The following DOCK10 variants were observed in gnomAD, a reference collection of about 807,000 sequenced individuals.
DOCK10 encodes dedicator of cytokinesis 10.
In DOCK10, 145 loss-of-function variants were observed where a neutral mutation model predicts 280.1. The ratio of observed to expected loss-of-function variants is 0.52; its 90% confidence interval spans 0.45 to 0.59. The LOEUF is 0.59. Among genes scored for constraint, DOCK10 ranks in the 20% least tolerant of loss-of-function variants. The pLI is 0.00. For missense variants in DOCK10, 2,368 were observed against 2,651.7 expected, an observed-to-expected ratio of 0.89 and a Z score of 2.35; for synonymous variants, 915 against 942.2, an observed-to-expected ratio of 0.97 and a Z score of 0.53.
chr2:224,867,679 G>A (rs1469495562), intron 11 of DOCK10, among the ~76,000 whole-genome samples: 1 of 152,190 alleles, frequency 6.6e-6, no homozygotes, highest in Non-Finnish European at 1.5e-5. Flanking sequence ...AAGAGCACAG[G>A]AAAAGAACAT....
At chr2:224,934,589 AG>A (rs1559804178) in intron 1 of DOCK10, among the ~76,000 whole-genome samples, 1 of 152,210 alleles carries the variant, frequency 6.6e-6, no homozygotes, top group Admixed American at 6.5e-5. Flanking sequence ...GTCCGCAGCA[AG>A]GGAGCTGCCT....
chr2:224,927,071 G>C (rs759600858), intron 2 of DOCK10, among the ~76,000 whole-genome samples: 1 of 152,162 alleles, frequency 6.6e-6, no homozygotes, highest in East Asian at 1.9e-4. Context: ...TGGGTGTGAG[G>C]GCAATGTAGC....
intron 1 of DOCK10, among the ~76,000 whole-genome samples, chr2:224,960,963 C>A (rs928119349): frequency 2.6e-5 from 4 of 152,098 alleles, no homozygotes; most frequent in Non-Finnish European, 5.9e-5. Context: ...TGGTCTCGAT[C>A]TCCTGACCTC....
chr2:225,006,593 C>A (rs1689261236), intron 1 of DOCK10, among the ~76,000 whole-genome samples: 1 of 152,220 alleles, frequency 6.6e-6, no homozygotes, highest in South Asian at 2.1e-4. Context: ...ATGTCTCTGT[C>A]TTCTAAGCCG....
intron 1 of DOCK10, among the ~76,000 whole-genome samples, chr2:224,962,888 A>G (rs1263334783): frequency 6.6e-6 from 1 of 152,244 alleles, no homozygotes; most frequent in Non-Finnish European, 1.5e-5. Flanking sequence ...TAGGCAGCCT[A>G]GGATTCAAGT....
chr2:225,042,164 GGCCCGCCGA>G lies in DOCK10; in HGVS notation c.123+79_123+87del. 2 of 1,202,040 alleles carry G rather than the reference GGCCCGCCGA, an allele frequency of 1.7e-6. No homozygotes were observed. The highest frequency in any genetic ancestry group is 2.1e-6 in the Non-Finnish European group (2 of 965,978). The allele number at this position is 1,202,040 out of a possible 1,614,324, so 74.5% of individuals were successfully genotyped here. A position where few individuals can be genotyped will look rare whatever the true frequency, so the allele number is the denominator to read the frequency against. On this transcript the variant is annotated intron_variant, in intron 1 of 55. Coordinates refer to ENST00000258390, the MANE Select transcript of DOCK10 (RefSeq NM_014689.3). The surrounding 1 kb of genome is among the most constrained non-coding windows in gnomAD (Gnocchi z 5.1). ...AGGACCCGTGAGCTGCGGGGACCTGGGCCCGCCGAGCTTTTGGGGAAGCTGGGCTCCGTT... is the reference window on the plus strand; with the variant it reads ...AGGACCCGTGAGCTGCGGGGACCTGGGCTTTTGGGGAAGCTGGGCTCCGTT...
chr2:225,012,463 CTACTT>C (rs1477147528), intron 1 of DOCK10, among the ~76,000 whole-genome samples: 3 of 152,198 alleles, frequency 2.0e-5, no homozygotes, highest in African/African-American at 4.8e-5. Flanking sequence ...CCATCCGCCT[CTACTT>C]TACTTTCAAA....
At position 225,042,423 on chromosome 2, in the gene DOCK10, G is replaced by T; in HGVS notation, c.-49C>A. The stretch of plus-strand genomic sequence containing the variant: ...CGGGCCCGGGGCGCGCCTCCCGCCG[G>T]TCTTCCCCGCGCCAACCTTCTCTAT... On this transcript the variant is annotated 5_prime_UTR_variant, in exon 1 of 56. Transcript: ENST00000258390. The surrounding 1 kb of genome is among the most constrained non-coding windows in gnomAD (Gnocchi z 5.1). 8.1e-7 allele frequency: 1 copy of T among 1,229,018 alleles called. No individual in the cohort carries two copies. The highest frequency in any genetic ancestry group is 1.0e-6 in the Non-Finnish European group (1 of 983,882). The allele number at this position is 1,229,018 out of a possible 1,614,324, so 76.1% of individuals were successfully genotyped here.
chr2:224,950,106 A>G (rs1396573228), intron 1 of DOCK10, among the ~76,000 whole-genome samples: 4 of 152,198 alleles, frequency 2.6e-5, no homozygotes, highest in African/African-American at 7.2e-5. Flanking sequence ...TATAATTACA[A>G]TAGTGCTTTA....
rs758796904 is a variant in DOCK10 at position 224,795,224 on chromosome 2, A to G, written c.4939-130T>C. On this transcript the variant is annotated intron_variant, in intron 44 of 55. Coordinates refer to ENST00000258390, the MANE Select transcript of DOCK10 (RefSeq NM_014689.3). ...TCTATATATAGTTATAAATGAGTGC[A>G]TTCTATATATGTGCATTCTATGTTT... is the stretch of plus-strand genomic sequence containing the variant. 151 of 734,152 alleles carry G rather than the reference A, an allele frequency of 2.1e-4. 1 individual carries two copies. Among genetic ancestry groups the G allele is most frequent in the Middle Eastern group, 8.0e-4 (3 of 3,770 alleles). The allele number at this position is 734,152 out of a possible 1,614,324, so 45.5% of individuals were successfully genotyped here.
chr2:225,030,329 A>C (rs1482286971), intron 1 of DOCK10, among the ~76,000 whole-genome samples: 1 of 152,186 alleles, frequency 6.6e-6, no homozygotes, highest in Non-Finnish European at 1.5e-5. Context: ...CGAAAATAGC[A>C]TTCACATAAA....
intron 14 of DOCK10, among the ~76,000 whole-genome samples, chr2:224,858,444 G>C (rs2125588605): frequency 6.6e-6 from 1 of 152,284 alleles, no homozygotes; most frequent in East Asian, 1.9e-4. Context: ...GGATCACGAG[G>C]TCAGGAGACT....
intron 1 of DOCK10, among the ~76,000 whole-genome samples, chr2:225,028,501 C>T (rs910117895): frequency 5.9e-5 from 9 of 152,054 alleles, no homozygotes; most frequent in Admixed American, 5.9e-4. Context: ...CTGGTGAGAC[C>T]CTCACCAGAC....
chr2:224,996,064 C>T (rs1706265650), intron 1 of DOCK10, among the ~76,000 whole-genome samples: 2 of 152,170 alleles, frequency 1.3e-5, no homozygotes, highest in Non-Finnish European at 2.9e-5. Flanking sequence ...ATTACTTGGC[C>T]TAACCATTGC....
At chr2:224,780,653 G>C (rs1691259620) in intron 50 of DOCK10, among the ~76,000 whole-genome samples, 1 of 152,090 alleles carries the variant, frequency 6.6e-6, no homozygotes, top group Non-Finnish European at 1.5e-5. Flanking sequence ...TGCAATCCCA[G>C]CACTTTGGGA....
chr2:224,853,820 A>C (rs903094690), intron 16 of DOCK10, among the ~76,000 whole-genome samples: 3 of 152,222 alleles, frequency 2.0e-5, no homozygotes, highest in Non-Finnish European at 4.4e-5. Flanking sequence ...CCCACCTGGA[A>C]TCTGACTGTG....
chr2:224,983,861 C>G, intron 1 of DOCK10: 1 of 471,084 alleles, frequency 2.1e-6, no homozygotes, highest in Non-Finnish European at 4.4e-6. Context: ...AGTCCCCTAA[C>G]TCCCTCTGGA....
chr2:224,879,763 T>TA (rs996392215), intron 7 of DOCK10, among the ~76,000 whole-genome samples: 53 of 142,750 alleles, frequency 3.7e-4, no homozygotes, highest in Middle Eastern at 7.1e-3. Flanking sequence ...TGTCTCAAAA[T>TA]AAAAAAAAAA....
intron 39 of DOCK10, among the ~76,000 whole-genome samples, chr2:224,802,656 C>T (rs1481305204): frequency 6.6e-6 from 1 of 152,098 alleles, no homozygotes; most frequent in African/African-American, 2.4e-5. Context: ...GCATTTCCAG[C>T]TGGGAAAAAT....
Sources: gnomAD v4.1 joint callset for allele counts (sites outside exome capture counted in the v4.1 genomes callset) on GRCh38, gnomAD v4.1.1 for gene constraint, Gnocchi (gnomAD v3.1) non-coding constraint, MANE v1.5 for transcripts, NCBI Gene and HGNC (gene_info 2026-07-23, HGNC 2026-07-21) for gene names.